Variants in BORCS5 observed in about 807,000 individuals in gnomAD.
BORCS5 encodes BLOC-1 related complex subunit 5.
A neutral mutation model predicts 22.1 loss-of-function variants in BORCS5; 17 were observed. The observed-to-expected ratio is 0.77, with a 90% confidence interval of 0.53 to 1.15. The LOEUF is 1.15. Ranked by LOEUF, BORCS5 falls within the 50% of genes most tolerant of loss-of-function variation. BORCS5 has a pLI of 0.00. For missense variants in BORCS5, 247 were observed against 253.2 expected (o/e 0.98, Z 0.17); for synonymous variants, 117 against 99.8 (o/e 1.17, Z -1.03).
intron 3 of BORCS5, among the ~76,000 whole-genome samples, chr12:12,457,143 T>G (rs926256265): frequency 1.4e-4 from 21 of 152,204 alleles, no homozygotes; most frequent in African/African-American, 5.1e-4. Context: ...CTGGGAACTG[T>G]TCTAGGAGTT....
chr12:12,450,051 C>T (rs1942879724), intron 3 of BORCS5, among the ~76,000 whole-genome samples: 1 of 152,198 alleles, frequency 6.6e-6, no homozygotes, highest in African/African-American at 2.4e-5. Context: ...CACTTTAGAT[C>T]ATAGTTTTCA....
intron 2 of BORCS5, among the ~76,000 whole-genome samples, chr12:12,420,776 G>C (rs111767390): frequency 6.6e-6 from 1 of 152,150 alleles, no homozygotes; most frequent in Non-Finnish European, 1.5e-5. Context: ...CACATCCCTT[G>C]TAAGTTGGAT....
chr12:12,464,487 G>A (rs1223138439), intron 3 of BORCS5, among the ~76,000 whole-genome samples: 2 of 152,196 alleles, frequency 1.3e-5, no homozygotes, highest in Non-Finnish European at 2.9e-5. Flanking sequence ...ATGCAAGGTC[G>A]GGAAGGGGCG....
At chr12:12,361,169 A>G (rs750017262) in intron 1 of BORCS5, 37 bp from the exon 2 acceptor site, 4 of 1,593,628 alleles carry the variant, frequency 2.5e-6, no homozygotes, top group East Asian at 2.3e-5. Context: ...AGAGATGCCT[A>G]ATATGCATCT....
At chr12:12,457,357 T>C (rs570063376) in intron 3 of BORCS5, among the ~76,000 whole-genome samples, 1 of 152,352 alleles carries the variant, frequency 6.6e-6, no homozygotes, top group Non-Finnish European at 1.5e-5. Flanking sequence ...AAGCGATGTA[T>C]GTATATTTTA....
Position 12,466,873 on chromosome 12 carries a change from AT to A in BORCS5, c.*1099del, listed in dbSNP as rs1943212739. ...AGATACCAGAAAGAGCCTTCAGTAG[AT>A]TCACAAGATTAAAATTGATGCGCTT... is the stretch of plus-strand genomic sequence containing the variant. On this transcript the variant is annotated 3_prime_UTR_variant, in exon 4 of 4. Coordinates refer to ENST00000314565, the MANE Select transcript of BORCS5 (RefSeq NM_058169.6). The A allele has an allele frequency of 6.6e-6, 1 of 152,252 alleles. No homozygotes were observed. The highest frequency in any genetic ancestry group is 1.5e-5 in the Non-Finnish European group (1 of 68,058). The allele number at this position is 152,252 out of a possible 1,614,324, so 9.4% of individuals were successfully genotyped here. A position where few individuals can be genotyped will look rare whatever the true frequency, so the allele number is the denominator to read the frequency against.
chr12:12,457,853 C>G (rs1943026847), intron 3 of BORCS5, among the ~76,000 whole-genome samples: 1 of 152,222 alleles, frequency 6.6e-6, no homozygotes. Flanking sequence ...GGCAGGACAG[C>G]TGCTTCCCTG....
At chr12:12,373,714 A>G (rs1863580135) in intron 2 of BORCS5, among the ~76,000 whole-genome samples, 1 of 152,198 alleles carries the variant, frequency 6.6e-6, no homozygotes, top group South Asian at 2.1e-4. Flanking sequence ...GTGGTCAGAC[A>G]GTGCAGGTAC....
intron 2 of BORCS5, among the ~76,000 whole-genome samples, chr12:12,418,688 G>A (rs532480431): frequency 7.2e-5 from 11 of 152,210 alleles, no homozygotes; most frequent in Admixed American, 1.3e-4. Flanking sequence ...CTCTCTTTCA[G>A]TATAGCTCTT....
At chr12:12,366,007 G>A (rs1372551532) in intron 2 of BORCS5, among the ~76,000 whole-genome samples, 2 of 152,144 alleles carry the variant, frequency 1.3e-5, no homozygotes, top group Non-Finnish European at 1.5e-5. Context: ...CTGCTTTGAC[G>A]TTGTTCTGCC....
chr12:12,372,073 C>T (rs1863541416), intron 2 of BORCS5, among the ~76,000 whole-genome samples: 1 of 151,564 alleles, frequency 6.6e-6, no homozygotes, highest in Non-Finnish European at 1.5e-5. Context: ...GAGTTTCGCC[C>T]TTGTCGCCCA....
intron 2 of BORCS5, among the ~76,000 whole-genome samples, chr12:12,388,282 C>T (rs1352199043): frequency 6.6e-6 from 1 of 151,156 alleles, no homozygotes; most frequent in Non-Finnish European, 1.5e-5. Context: ...GACCACACTT[C>T]CCAAACATAT....
At chr12:12,451,170 T>C (rs1362656439) in intron 3 of BORCS5, among the ~76,000 whole-genome samples, 1 of 152,054 alleles carries the variant, frequency 6.6e-6, no homozygotes. Context: ...TTTATTCTTT[T>C]TTTTTTTTTT....
At chr12:12,409,288 G>T (rs1376846067) in intron 2 of BORCS5, among the ~76,000 whole-genome samples, 1 of 152,066 alleles carries the variant, frequency 6.6e-6, no homozygotes, top group Non-Finnish European at 1.5e-5. Context: ...TGTTACATAT[G>T]TATACATGTG....
intron 2 of BORCS5, among the ~76,000 whole-genome samples, chr12:12,397,438 C>T (rs569502737): frequency 2.4e-4 from 37 of 152,322 alleles, no homozygotes; most frequent in African/African-American, 3.8e-4. Context: ...GAACAGCCTA[C>T]GCTGGGAATT....
chr12:12,395,328 G>T (rs948251801), intron 2 of BORCS5, among the ~76,000 whole-genome samples: 5 of 151,710 alleles, frequency 3.3e-5, no homozygotes, highest in Admixed American at 6.6e-5. Flanking sequence ...GGAGTGCAGT[G>T]GTGTGATCTC....
intron 2 of BORCS5, among the ~76,000 whole-genome samples, chr12:12,393,542 T>C (rs77996140): frequency 6.6e-6 from 1 of 151,700 alleles, no homozygotes; most frequent in East Asian, 2.0e-4. Context: ...TTTTTTCAGA[T>C]AGGGTCTCAC....
At chr12:12,451,626 C>G (rs867517310) in intron 3 of BORCS5, among the ~76,000 whole-genome samples, 5 of 152,106 alleles carry the variant, frequency 3.3e-5, no homozygotes, top group Non-Finnish European at 5.9e-5. Context: ...GCTCACGCCT[C>G]TAATCCCAGC....
intron 3 of BORCS5, among the ~76,000 whole-genome samples, chr12:12,450,834 G>A (rs1942894356): frequency 6.6e-6 from 1 of 152,240 alleles, no homozygotes. Flanking sequence ...CTATGAGAGT[G>A]TGGTGAGGTA....
Sources: allele counts gnomAD v4.1 joint callset (sites outside exome capture counted in the v4.1 genomes callset), GRCh38; gene constraint gnomAD v4.1.1; transcripts MANE v1.5; gene names NCBI Gene and HGNC (gene_info 2026-07-23, HGNC 2026-07-21).